The following HSPA12A variants were observed in gnomAD, a reference collection of about 807,000 sequenced individuals.
HSPA12A encodes the protein heat shock protein family A (Hsp70) member 12A, also known as heat shock 70 kDa protein 12A.
HSPA12A carries 28 observed loss-of-function variants against 69.2 expected under a neutral mutation model. The ratio of observed to expected loss-of-function variants is 0.40; its 90% CI spans 0.30 to 0.55. HSPA12A has a LOEUF of 0.55. Among genes scored for constraint, HSPA12A ranks in the 20% least tolerant of loss-of-function variants. The pLI, the probability that HSPA12A is intolerant of heterozygous loss-of-function variation, is 0.38. For missense variants in HSPA12A, 686 were observed against 900.7 expected (o/e 0.76, Z 3.05); for synonymous variants, 345 against 370.5 (o/e 0.93, Z 0.79).
intron 2 of HSPA12A, among the ~76,000 whole-genome samples, chr10:116,798,750 C>T (rs1011462162): frequency 6.6e-6 from 1 of 152,200 alleles, no homozygotes; most frequent in African/African-American, 2.4e-5. Context: ...TCTGGTTCAA[C>T]TGCAGACTAT....
chr10:116,685,063 C>T (rs1194109971), intron 6 of HSPA12A, among the ~76,000 whole-genome samples: 1 of 152,230 alleles, frequency 6.6e-6, no homozygotes, highest in Non-Finnish European at 1.5e-5. Flanking sequence ...CACGGAAGAA[C>T]ACTTCATCCC....
chr10:116,832,156 AGGGT>A (rs1335499282), intron 2 of HSPA12A: 1 of 151,066 alleles, frequency 6.6e-6, no homozygotes, highest in Non-Finnish European at 1.5e-5. Flanking sequence ...AAAATGCAAA[AGGGT>A]TGATTTTGTT....
intron 6 of HSPA12A, among the ~76,000 whole-genome samples, chr10:116,688,316 T>C (rs1849636809): frequency 6.6e-6 from 1 of 152,230 alleles, no homozygotes; most frequent in South Asian, 2.1e-4. Context: ...CTGGGGATTC[T>C]ACATACAGGA....
upstream of HSPA12A, among the ~76,000 whole-genome samples, chr10:116,744,624 C>T (rs1350667911): frequency 6.6e-6 from 1 of 152,238 alleles, no homozygotes; most frequent in Admixed American, 6.5e-5. Context: ...AAAGGCAGCG[C>T]ACACTCTGCC....
chr10:116,823,838 T>C (rs1021604532), intron 2 of HSPA12A, among the ~76,000 whole-genome samples: 1 of 152,180 alleles, frequency 6.6e-6, no homozygotes, highest in Non-Finnish European at 1.5e-5. Context: ...CTTTGTGGCC[T>C]TATGTTAGCA....
intron 2 of HSPA12A, among the ~76,000 whole-genome samples, chr10:116,795,435 T>C (rs757816421): frequency 2.0e-5 from 3 of 151,894 alleles, no homozygotes; most frequent in African/African-American, 4.8e-5. Context: ...TCCCAGCTCT[T>C]TGGGAGGCCA....
At chr10:116,809,160 G>C (rs1487442842) in intron 2 of HSPA12A, among the ~76,000 whole-genome samples, 2 of 152,108 alleles carry the variant, frequency 1.3e-5, no homozygotes, top group African/African-American at 4.8e-5. Context: ...GCCACTTCCC[G>C]GCACCTGGCT....
chr10:116,737,850 C>T (rs1026291124), intron 1 of HSPA12A, among the ~76,000 whole-genome samples: 28 of 152,278 alleles, frequency 1.8e-4, no homozygotes, highest in Middle Eastern at 3.4e-3. Flanking sequence ...ATGACAGGAA[C>T]GCAGCAAGGA....
At chr10:116,767,200 G>A (rs1554889864) in intron 2 of HSPA12A, among the ~76,000 whole-genome samples, 11 of 152,162 alleles carry the variant, frequency 7.2e-5, no homozygotes. Context: ...GGGGAACGAG[G>A]TCCTGAAAAG....
intron 2 of HSPA12A, among the ~76,000 whole-genome samples, chr10:116,817,532 T>TG (rs1323210570): frequency 1.1e-4 from 3 of 26,402 alleles, no homozygotes; most frequent in East Asian, 9.0e-4. Context: ...TGGGTGGGGG[T>TG]GGGGGGGATG....
In HSPA12A at chr10:116,767,622, A is replaced by G. The variant is rs538641098; in HGVS notation, c.92-60337T>C. Among the ~76,000 whole-genome samples the G allele has an allele frequency of 8.5e-5, 13 of 152,318 alleles. No homozygotes were observed. The South Asian group carries it at 2.7e-3, about 32-fold the overall frequency. The stretch of plus-strand genomic sequence containing the variant: ...TGTCCACAGAAATCCAAAACAAGGG[A>G]GGGGAGGTTGTTGGTTAACTCTGCA... On this transcript the variant is annotated intron_variant, in intron 2 of 12. Transcript: ENST00000635765.
At chr10:116,753,021 T>G (rs1843744398) in intron 2 of HSPA12A, among the ~76,000 whole-genome samples, 1 of 152,166 alleles carries the variant, frequency 6.6e-6, no homozygotes, top group African/African-American at 2.4e-5. Context: ...AGTCTGTAAA[T>G]CAAGAAAATA....
chr10:116,691,566 A>G (rs1283803196), intron 6 of HSPA12A, among the ~76,000 whole-genome samples: 1 of 152,176 alleles, frequency 6.6e-6, no homozygotes, highest in Non-Finnish European at 1.5e-5. Context: ...GAGCTGACCC[A>G]GGCCCCAGGC....
intron 2 of HSPA12A, among the ~76,000 whole-genome samples, chr10:116,766,682 G>A (rs550162368): frequency 9.9e-5 from 15 of 152,222 alleles, no homozygotes; most frequent in African/African-American, 3.6e-4. Flanking sequence ...GCTTGGCATG[G>A]CTCATGGGAA....
chr10:116,679,048 T>C (rs1849325136), intron 10 of HSPA12A, among the ~76,000 whole-genome samples: 2 of 152,178 alleles, frequency 1.3e-5, no homozygotes, highest in Non-Finnish European at 2.9e-5. Context: ...TGCAACAAGC[T>C]GAGACACAAA....
chr10:116,711,724 T>TG (rs1850437017), intron 1 of HSPA12A, among the ~76,000 whole-genome samples: 1 of 146,078 alleles, frequency 6.8e-6, no homozygotes, highest in Non-Finnish European at 1.5e-5. Context: ...AGTGCAGTGG[T>TG]GCGATCTCGG....
intron 7 of HSPA12A, 114 bp downstream of exon 7, chr10:116,683,677 G>A (rs782295535): frequency 1.8e-6 from 2 of 1,111,318 alleles, no homozygotes; most frequent in Admixed American, 5.3e-5. Context: ...TCCTCCCGGA[G>A]TATCCTGATT....
chr10:116,849,849 C>T (rs1327189677), upstream of HSPA12A: 3 of 1,192,134 alleles, frequency 2.5e-6, no homozygotes, highest in African/African-American at 1.5e-5. Context: ...CCGCCCGGGC[C>T]CTGGGCCTGC....
At position 116,672,820 on chromosome 10, in the gene HSPA12A, T is replaced by C. The variant is rs1554876940; in HGVS notation, c.*1961A>G. 6.6e-6 allele frequency: 1 copy of C among 152,598 alleles called. No individual in the cohort carries two copies. Among genetic ancestry groups the C allele is most frequent in the African/African-American group, 2.4e-5 (1 of 41,440 alleles). The allele number at this position is 152,598 out of a possible 1,614,324, so 9.5% of individuals were successfully genotyped here. A position where few individuals can be genotyped will look rare whatever the true frequency, so the allele number is the denominator to read the frequency against. Reference sequence around the variant, plus strand: ...CATTTAGCGTTTGAAGCAGGGCAGGTAGCAAGAGAACATTAGCAAAGACAC... The same window carrying C: ...CATTTAGCGTTTGAAGCAGGGCAGGCAGCAAGAGAACATTAGCAAAGACAC... On this transcript the variant is annotated 3_prime_UTR_variant, in exon 12 of 12. Coordinates refer to ENST00000369209, the MANE Select transcript of HSPA12A (RefSeq NM_025015.3).
Sources: gnomAD v4.1 joint callset for allele counts (sites outside exome capture counted in the v4.1 genomes callset) on GRCh38, gnomAD v4.1.1 for gene constraint, MANE v1.5 for transcripts, NCBI Gene and HGNC (gene_info 2026-07-23, HGNC 2026-07-21) for gene names.